The following PDZD9 variants were observed in gnomAD, a reference collection of about 807,000 sequenced individuals.
PDZD9 encodes PDZ domain-containing protein 9.
A neutral mutation model predicts 16.3 loss-of-function variants in PDZD9; 13 were observed. That is an observed-to-expected ratio of 0.80 (90% CI 0.52 to 1.27). PDZD9 has a LOEUF of 1.27. PDZD9 is among the 50% of genes most tolerant of loss of function. The probability of loss-of-function intolerance (pLI) is 0.00; values close to 1 mark genes in which losing one functional copy is unlikely to be tolerated. For synonymous variants in PDZD9, 120 were observed against 111.0 expected, an observed-to-expected ratio of 1.08 and a Z score of -0.51; for missense variants, 288 against 310.9, an observed-to-expected ratio of 0.93 and a Z score of 0.55.
At chr16:21,980,463 A>AT, downstream of PDZD9, 1 of 1,442,586 alleles carries the variant, frequency 6.9e-7, no homozygotes, top group South Asian at 1.3e-5. Flanking sequence ...TAAAGCTTTG[A>AT]TGTTCACAGC....
At chr16:21,981,664 G>C (rs1264427188), downstream of PDZD9, among the ~76,000 whole-genome samples, 1 of 151,816 alleles carries the variant, frequency 6.6e-6, no homozygotes, top group Admixed American at 6.6e-5. Flanking sequence ...TCATGGGGCT[G>C]AGGTGGGAAG....
intron 2 of PDZD9, 28 bp downstream of exon 2, chr16:21,996,294 T>C (rs977458243): frequency 1.3e-6 from 2 of 1,526,202 alleles, no homozygotes; most frequent in East Asian, 2.4e-5. Context: ...GGATGGGTGG[T>C]TGGGAAGCAT....
the PDZD9 span, among the ~76,000 whole-genome samples, chr16:21,970,255 T>C: frequency 1.3e-5 from 2 of 152,222 alleles, no homozygotes; most frequent in African/African-American, 4.8e-5. Flanking sequence ...AATATAAACA[T>C]TCACGTGTAC....
At chr16:21,999,216 A>G (rs747758392) in intron 1 of PDZD9, 5 of 193,508 alleles carry the variant, frequency 2.6e-5, no homozygotes, top group Non-Finnish European at 5.6e-5. Context: ...ACTATTAGAC[A>G]TGAAACCTGA....
Position 21,983,955 on chromosome 16 carries a change from A to C in PDZD9, c.*312T>G, listed in dbSNP as rs1025949630. On this transcript the variant is annotated 3_prime_UTR_variant, in exon 4 of 4. Transcript: ENST00000424898. Reference sequence around the variant, plus strand: ...ATTTAAAGAAAAATGTAGTGTTTACATAAAGTGACATTCTCTACTATGTTC... The same window carrying C: ...ATTTAAAGAAAAATGTAGTGTTTACCTAAAGTGACATTCTCTACTATGTTC... 4.9e-6 allele frequency: 1 copy of C among 202,622 alleles called. No homozygotes were observed. Among genetic ancestry groups the C allele is most frequent in the Non-Finnish European group, 9.8e-6 (1 of 101,912 alleles). 12.6% of individuals were successfully genotyped at this position (202,622 alleles called of 1,614,324 possible). A position where few individuals can be genotyped will look rare whatever the true frequency, so the allele number is the denominator to read the frequency against.
chr16:21,971,662 G>A, the PDZD9 span: 32 of 1,584,170 alleles, frequency 2.0e-5, no homozygotes, highest in South Asian at 3.3e-5. Flanking sequence ...TCAGAAGGGC[G>A]TTTCCCCACT....
the PDZD9 span, chr16:21,976,259 A>G: frequency 6.3e-7 from 1 of 1,592,698 alleles, no homozygotes; most frequent in Non-Finnish European, 8.6e-7. Flanking sequence ...TCTCAGTATT[A>G]ACTGTGTTTT....
At chr16:21,967,459 C>A in the PDZD9 span, among the ~76,000 whole-genome samples, 1 of 151,332 alleles carries the variant, frequency 6.6e-6, no homozygotes, top group South Asian at 2.1e-4. Context: ...TCTTAGTTAC[C>A]CCAAACCAAT....
chr16:21,968,883 C>T, the PDZD9 span, among the ~76,000 whole-genome samples: 13 of 152,126 alleles, frequency 8.5e-5, no homozygotes, highest in Non-Finnish European at 1.8e-4. Flanking sequence ...ATTTGTAAAC[C>T]ACTGGCTTTA....
the PDZD9 span, among the ~76,000 whole-genome samples, chr16:21,960,740 C>G: frequency 1.3e-5 from 2 of 152,116 alleles, no homozygotes; most frequent in Non-Finnish European, 2.9e-5. Context: ...ATTGTTGTGT[C>G]TCAGGAGTAG....
At chr16:21,964,655 T>TC in the PDZD9 span, among the ~76,000 whole-genome samples, 1 of 152,210 alleles carries the variant, frequency 6.6e-6, no homozygotes, top group Non-Finnish European at 1.5e-5. Flanking sequence ...GTAAGATGGA[T>TC]CCCACATATT....
At chr16:21,960,104 T>A in the PDZD9 span, among the ~76,000 whole-genome samples, 1 of 152,212 alleles carries the variant, frequency 6.6e-6, no homozygotes, top group Non-Finnish European at 1.5e-5. Context: ...CGTTTGAAGC[T>A]TTGACGCCAG....
At chr16:21,966,834 A>G in the PDZD9 span, among the ~76,000 whole-genome samples, 24 of 152,216 alleles carry the variant, frequency 1.6e-4, no homozygotes, top group Non-Finnish European at 2.9e-5. Context: ...CTATTGTAAT[A>G]CTAGTTTATA....
At chr16:21,970,259 C>T in the PDZD9 span, among the ~76,000 whole-genome samples, 65 of 152,264 alleles carry the variant, frequency 4.3e-4, no homozygotes, top group South Asian at 1.9e-3. Flanking sequence ...TAAACATTCA[C>T]GTGTACATTT....
rs1898799278 is a variant in PDZD9, at chr16:21,983,878, T to C, written c.*389A>G. 1 of 156,962 alleles carries C rather than the reference T, an allele frequency of 6.4e-6. No homozygotes were observed. The highest frequency in any genetic ancestry group is 6.4e-5 in the Admixed American group (1 of 15,550). 9.7% of individuals were successfully genotyped at this position (156,962 alleles called of 1,614,324 possible). A position where few individuals can be genotyped will look rare whatever the true frequency, so the allele number is the denominator to read the frequency against. ...CTAGCCAAAGAATTATGTCTCTTAG[T>C]TATTTTAATTATAGTACTTGAAGTT... On this transcript the variant is annotated 3_prime_UTR_variant, in exon 4 of 4. Transcript: ENST00000424898.
At chr16:21,985,397 A>G (rs1345363221) in intron 3 of PDZD9, among the ~76,000 whole-genome samples, 1 of 152,108 alleles carries the variant, frequency 6.6e-6, no homozygotes, top group Non-Finnish European at 1.5e-5. Flanking sequence ...TTTGGCCTCC[A>G]AAGTGCTAGG....
chr16:21,965,312 G>T, the PDZD9 span: 2 of 1,178,684 alleles, frequency 1.7e-6, no homozygotes, highest in South Asian at 1.3e-5. Flanking sequence ...GCCAGAAGAT[G>T]ACCAAATTTG....
chr16:21,957,913 G>A, the PDZD9 span, among the ~76,000 whole-genome samples: 1 of 152,200 alleles, frequency 6.6e-6, no homozygotes, highest in African/African-American at 2.4e-5. Context: ...CTCTGCCTTT[G>A]TTGTCACATG....
intron 2 of PDZD9, among the ~76,000 whole-genome samples, chr16:21,994,909 C>T (rs1899108331): frequency 6.6e-6 from 1 of 151,924 alleles, no homozygotes; most frequent in Non-Finnish European, 1.5e-5. Context: ...TAGCTCACTA[C>T]AGCCTCGGCC....
Sources: allele counts gnomAD v4.1 joint callset (sites outside exome capture counted in the v4.1 genomes callset), GRCh38; gene constraint gnomAD v4.1.1; transcripts MANE v1.5; gene names NCBI Gene and HGNC (gene_info 2026-07-23, HGNC 2026-07-21).